The following FBLN5 variants were observed in gnomAD, a reference collection of about 807,000 sequenced individuals.
FBLN5 encodes the protein fibulin-5.
Under a neutral mutation model 61.6 loss-of-function variants are expected in FBLN5, and 24 were observed. That is an observed-to-expected ratio of 0.39 (90% confidence interval 0.28 to 0.55). The LOEUF (loss-of-function observed/expected upper bound fraction) is 0.55, where lower values mean the gene tolerates loss of function less well. Ranked by LOEUF, FBLN5 falls within the 20% of genes least tolerant of loss-of-function variation. The pLI, the probability that FBLN5 is intolerant of heterozygous loss-of-function variation, is 0.65. For synonymous variants in FBLN5, 213 were observed against 219.8 expected, an observed-to-expected ratio of 0.97 and a Z score of 0.27; for missense variants, 470 against 594.1, an observed-to-expected ratio of 0.79 and a Z score of 2.17.
chr14:91,883,041 G>A lies in FBLN5; in HGVS notation c.775C>T (p.Gln259Ter). The A allele has an allele frequency of 6.2e-7, 1 of 1,614,062 alleles. No homozygotes were observed. Among genetic ancestry groups the A allele is most frequent in the South Asian group, 1.1e-5 (1 of 91,066 alleles). ...DECSFSEFLCQHECVNQPGTY... is the reference protein window; with the variant it reads ...DECSFSEFLC ...CCGGGCTGGTTCACACACTCATGTT[G>A]GCAGAGGAACTCAGAGAAGCTGCAC... The change falls in exon 8 of 11, where the codon CAA becomes TAA. Residue 259 changes from glutamine (Q) to a stop codon, truncating the protein, a stop_gained. Coordinates refer to ENST00000342058, the MANE Select transcript of FBLN5 (RefSeq NM_006329.4). LOFTEE classifies it high-confidence loss of function.
At chr14:91,889,681 C>G (rs750901126) in intron 6 of FBLN5, among the ~76,000 whole-genome samples, 1 of 152,242 alleles carries the variant, frequency 6.6e-6, no homozygotes, top group Non-Finnish European at 1.5e-5. Context: ...CTTCCACACA[C>G]GAAGAGTCAG....
intron 5 of FBLN5, among the ~76,000 whole-genome samples, chr14:91,894,426 A>AAAAAAG (rs1215739368): frequency 7.0e-6 from 1 of 143,160 alleles, no homozygotes; most frequent in Non-Finnish European, 1.5e-5. Context: ...AAAAAAAAAA[A>AAAAAAG]ACCGAAAAAA....
chr14:91,903,774 G>A (rs181848371), intron 4 of FBLN5, among the ~76,000 whole-genome samples: 1 of 152,054 alleles, frequency 6.6e-6, no homozygotes, highest in Non-Finnish European at 1.5e-5. Context: ...CAATTGCCAT[G>A]GCCAGGCAGT....
At chr14:91,930,313 C>A (rs896680665) in intron 4 of FBLN5, among the ~76,000 whole-genome samples, 2 of 152,176 alleles carry the variant, frequency 1.3e-5, no homozygotes, top group African/African-American at 4.8e-5. Context: ...AGAAGTGAAG[C>A]CACTTGCCCA....
In FBLN5 at chr14:91,947,170, T is replaced by C; in HGVS notation, c.17+43A>G. 1 of 1,613,932 alleles carries C rather than the reference T, an allele frequency of 6.2e-7. No homozygotes were observed. The highest frequency in any genetic ancestry group is 8.5e-7 in the Non-Finnish European group (1 of 1,179,776). On this transcript the variant is annotated intron_variant, in intron 1 of 10. Coordinates refer to ENST00000342058, the MANE Select transcript of FBLN5 (RefSeq NM_006329.4). The surrounding 1 kb of genome is among the most constrained non-coding windows in gnomAD (Gnocchi z 4.3). ...CCACCCATCGGATTTTTAGCAAGGC[T>C]TCCAGACCCTGGAGAAAGAAAAGTC...
intron 4 of FBLN5, among the ~76,000 whole-genome samples, chr14:91,930,349 C>T (rs1459621212): frequency 6.6e-6 from 1 of 152,118 alleles, no homozygotes; most frequent in East Asian, 1.9e-4. Flanking sequence ...TAGGGAAAGA[C>T]TTGCAGCAAG....
At chr14:91,925,554 G>T (rs1260657020) in intron 4 of FBLN5, among the ~76,000 whole-genome samples, 1 of 152,200 alleles carries the variant, frequency 6.6e-6, no homozygotes, top group Non-Finnish European at 1.5e-5. Context: ...CTGGAGTTGT[G>T]CAAGGAGCTG....
chr14:91,894,427 AC>A (rs1173013047), intron 5 of FBLN5, among the ~76,000 whole-genome samples: 10,718 of 110,886 alleles, frequency 0.097, 2,523 homozygotes, highest in Middle Eastern at 0.13. Flanking sequence ...AAAAAAAAAA[AC>A]CGAAAAAAAC....
intron 9 of FBLN5, among the ~76,000 whole-genome samples, chr14:91,879,437 G>A (rs749894289): frequency 2.0e-5 from 3 of 152,220 alleles, no homozygotes; most frequent in Non-Finnish European, 4.4e-5. Context: ...GCTGGAAGGG[G>A]CTGCCGGAGT....
At chr14:91,896,789 G>A (rs980834893) in intron 4 of FBLN5, among the ~76,000 whole-genome samples, 3 of 152,134 alleles carry the variant, frequency 2.0e-5, no homozygotes, top group Non-Finnish European at 1.5e-5. Flanking sequence ...CCACTCCCAC[G>A]CTGTCTGCCT....
chr14:91,881,415 A>G lies in FBLN5; in HGVS notation c.866T>C (p.Ile289Thr), dbSNP rs199982230. The change falls in exon 9 of 11, where the codon ATC (isoleucine) becomes ACC (threonine). Residue 289 changes from isoleucine to threonine, a missense_variant. Coordinates refer to ENST00000342058, the MANE Select transcript of FBLN5 (RefSeq NM_006329.4). ...GTGGTTCCTGTGCTCACATTCGTTG[A>G]TGTCTGAAATGCAGGGGAGACAAGA... ...LLDDNRSCQD[I>T]NECEHRNHTC... 6.2e-7 allele frequency: 1 copy of G among 1,614,140 alleles called. No individual in the cohort carries two copies. The highest frequency in any genetic ancestry group is 2.2e-5 in the East Asian group (1 of 44,892).
intron 4 of FBLN5, among the ~76,000 whole-genome samples, chr14:91,925,331 C>G (rs1437212795): frequency 6.6e-6 from 1 of 152,214 alleles, no homozygotes; most frequent in African/African-American, 2.4e-5. Context: ...TGGAGGGGAA[C>G]AGGCGGTCAG....
chr14:91,884,498 CTT>C (rs1307023921), intron 7 of FBLN5, among the ~76,000 whole-genome samples: 1 of 152,206 alleles, frequency 6.6e-6, no homozygotes, highest in Admixed American at 6.5e-5. Context: ...CATGCCTCCT[CTT>C]ATTTAATTCT....
intron 5 of FBLN5, among the ~76,000 whole-genome samples, chr14:91,893,130 G>A (rs1289045004): frequency 1.3e-5 from 2 of 152,138 alleles, no homozygotes; most frequent in Non-Finnish European, 1.5e-5. Flanking sequence ...ACTGAGACAC[G>A]GGAGACTTGG....
At chr14:91,899,354 G>A (rs995772827) in intron 4 of FBLN5, among the ~76,000 whole-genome samples, 1 of 152,220 alleles carries the variant, frequency 6.6e-6, no homozygotes, top group Non-Finnish European at 1.5e-5. Flanking sequence ...CTCCCCACAG[G>A]TGAGGCAGTG....
rs997103788 is a variant in FBLN5 at position 91,882,313 on chromosome 14, C to A, written c.862+641G>T. Among the ~76,000 whole-genome samples, 1 of 152,178 alleles carries A rather than the reference C, an allele frequency of 6.6e-6. No individual in the cohort carries two copies. Among genetic ancestry groups the A allele is most frequent in the African/African-American group, 2.4e-5 (1 of 41,434 alleles). Reference sequence around the variant, plus strand: ...ATATTTCTATTGCCTGGCACTACTACGGAGAATTCTTGCTTGGCAATGGGA... The same window carrying A: ...ATATTTCTATTGCCTGGCACTACTAAGGAGAATTCTTGCTTGGCAATGGGA... On this transcript the variant is annotated intron_variant, in intron 8 of 10. Coordinates refer to ENST00000342058, the MANE Select transcript of FBLN5 (RefSeq NM_006329.4). The surrounding 1 kb of genome is among the most constrained non-coding windows in gnomAD (Gnocchi z 4.9).
chr14:91,937,293 G>T, intron 3 of FBLN5, 92 bp from the exon 4 acceptor site: 1 of 1,544,552 alleles, frequency 6.5e-7, no homozygotes, highest in South Asian at 1.2e-5. Flanking sequence ...AGGCGTGGAG[G>T]AAGCACTCCC....
At chr14:91,935,809 C>T (rs1595346340) in intron 4 of FBLN5, among the ~76,000 whole-genome samples, 3 of 152,224 alleles carry the variant, frequency 2.0e-5, no homozygotes, top group East Asian at 3.8e-4. Flanking sequence ...GGACCCTGCG[C>T]TCATTCCCTT....
Position 91,882,926 on chromosome 14 carries a change from C to T in FBLN5, c.862+28G>A, listed in dbSNP as rs1006238876. 1.9e-6 allele frequency: 3 copies of T among 1,612,244 alleles called. No individual in the cohort carries two copies. The highest frequency in any genetic ancestry group is 2.5e-6 in the Non-Finnish European group (3 of 1,178,966). ...AGCAGCTCCACCTCACACATACACC[C>T]CAGCCAGGCCCCTCCGGACAGCCTT... On this transcript the variant is annotated intron_variant, in intron 8 of 10. Coordinates refer to ENST00000342058, the MANE Select transcript of FBLN5 (RefSeq NM_006329.4). The surrounding 1 kb of genome is among the most constrained non-coding windows in gnomAD (Gnocchi z 4.9).
Sources: allele counts gnomAD v4.1 joint callset (sites outside exome capture counted in the v4.1 genomes callset), GRCh38; gene constraint gnomAD v4.1.1; non-coding constraint Gnocchi (gnomAD v3.1); transcripts MANE v1.5; gene names NCBI Gene and HGNC (gene_info 2026-07-23, HGNC 2026-07-21).